The following FAT1 variants were observed in gnomAD, a reference collection of about 807,000 sequenced individuals.
The protein encoded by FAT1 is FAT atypical cadherin 1.
Under a neutral mutation model 329.8 loss-of-function variants are expected in FAT1, and 171 were observed. That is an observed-to-expected ratio of 0.52 (90% CI 0.46 to 0.59). The LOEUF (loss-of-function observed/expected upper bound fraction) is 0.59. Ranked by LOEUF, FAT1 falls within the 20% of genes least tolerant of loss-of-function variation. The probability of loss-of-function intolerance (pLI) is 0.00; values close to 1 mark genes in which losing one functional copy is unlikely to be tolerated. For missense variants in FAT1, 5,672 were observed against 5,774.4 expected (o/e 0.98, Z 0.57); for synonymous variants, 2,233 against 2,228.6 (o/e 1.00, Z -0.06).
intron 2 of FAT1, among the ~76,000 whole-genome samples, chr4:186,682,526 C>CAAAAAAAAAAAAAAAAAAAAAAAA (rs10561120): frequency 3.3e-4 from 39 of 119,718 alleles, no homozygotes; most frequent in African/African-American, 1.4e-3. Flanking sequence ...GACTCTGTCT[C>CAAAAAAAAAAAAAAAAAAAAAAAA]AAAAAAAAAA....
rs752749879 is a variant in FAT1, at chr4:186,617,071, G to C, written c.9009C>G (p.Phe3003Leu). Residue 3003 changes from phenylalanine to leucine, a missense_variant, in exon 11 of 27, where the codon TTC becomes TTG. Transcript: ENST00000441802. ...TCACTTCAACTATCGCTTTTGATGA[G>C]AAGGTGCCATCAGTTGCCGTGATAG... ...LLTITATDGTFSSKAIVEVKV... is the reference protein window; with the variant it reads ...LLTITATDGTLSSKAIVEVKV... The C allele has an allele frequency of 3.1e-6, 5 of 1,613,966 alleles. No individual in the cohort carries two copies. The South Asian group carries it at 5.5e-5, about 18-fold the overall frequency.
intron 22 of FAT1, chr4:186,598,718 G>A (rs1246384759): frequency 6.6e-6 from 1 of 151,950 alleles, no homozygotes; most frequent in Admixed American, 6.6e-5. Context: ...TAGAGATGGG[G>A]TTTCCCTGTA....
rs746364659 is a variant in FAT1, at chr4:186,621,547, A to T, written c.5039T>A (p.Val1680Asp). Residue 1680 changes from valine (V) to aspartate (D), a missense_variant, in exon 10 of 27, where the codon GTC becomes GAC. By Grantham distance (152) the Val-to-Asp change is radical. Coordinates refer to ENST00000441802, the MANE Select transcript of FAT1 (RefSeq NM_005245.4). The part of the protein sequence containing the change: ...KEYSVELSET[V>D]SIGSFVGMVT... ...CATCCCAACGAAACTCCCAATGCTG[A>T]CAGTTTCACTAAGTTCAACAGAATA... is the stretch of plus-strand genomic sequence containing the variant. 2 of 1,613,892 alleles carry T rather than the reference A, an allele frequency of 1.2e-6. No homozygotes were observed. The highest frequency in any genetic ancestry group is 1.7e-6 in the Non-Finnish European group (2 of 1,179,874).
chr4:186,649,329 A>T (rs1326775203), intron 3 of FAT1, among the ~76,000 whole-genome samples: 1 of 152,234 alleles, frequency 6.6e-6, no homozygotes, highest in Non-Finnish European at 1.5e-5. Flanking sequence ...ATTTCCATTG[A>T]ACAGCATATT....
chr4:186,646,800 G>A (rs557690362), intron 3 of FAT1, among the ~76,000 whole-genome samples: 24 of 151,648 alleles, frequency 1.6e-4, no homozygotes, highest in Non-Finnish European at 3.4e-4. Context: ...CCTGCTCCCC[G>A]TTCTCTGCTA....
chr4:186,598,142 G>A lies in FAT1; in HGVS notation c.12104-17C>T, dbSNP rs1207043237. 7.6e-6 allele frequency: 12 copies of A among 1,578,782 alleles called. No individual in the cohort carries two copies. In the Admixed American group the frequency reaches 9.8e-5, roughly 13 times the overall value. The stretch of plus-strand genomic sequence containing the variant: ...AGTAATAACCTAAATCGGCAAAAAG[G>A]AACAAAAAAGTCCTATCACTCAATG... On this transcript the variant is annotated splice_polypyrimidine_tract_variant and intron_variant, in intron 22 of 26. Coordinates refer to ENST00000441802, the MANE Select transcript of FAT1 (RefSeq NM_005245.4).
At chr4:186,646,508 T>A (rs1324791454) in intron 3 of FAT1, among the ~76,000 whole-genome samples, 3 of 152,220 alleles carry the variant, frequency 2.0e-5, no homozygotes, top group African/African-American at 7.2e-5. Flanking sequence ...AGAGCTAATG[T>A]CACCATAGAA....
At chr4:186,647,759 T>C (rs768115953) in intron 3 of FAT1, among the ~76,000 whole-genome samples, 1 of 152,198 alleles carries the variant, frequency 6.6e-6, no homozygotes, top group Non-Finnish European at 1.5e-5. Context: ...AGAACTGTAA[T>C]CATAGTATTT....
In FAT1 at chr4:186,693,194, A is replaced by G. The variant is rs542970129; in HGVS notation, c.3265+13369T>C. Among the ~76,000 whole-genome samples the G allele has an allele frequency of 3.9e-4, 59 of 152,338 alleles. 1 individual carries two copies. The highest frequency in any genetic ancestry group is 1.4e-3 in the African/African-American group (57 of 41,584). The stretch of plus-strand genomic sequence containing the variant: ...TAAGACAGAAAAGTTTTAAGACCAT[A>G]TTGATATTTTCACAATTTTCACAAG... On this transcript the variant is annotated intron_variant, in intron 2 of 26. Transcript: ENST00000441802.
intron 2 of FAT1, among the ~76,000 whole-genome samples, chr4:186,682,822 C>G (rs1313035206): frequency 6.6e-6 from 1 of 152,170 alleles, no homozygotes; most frequent in Non-Finnish European, 1.5e-5. Flanking sequence ...CCACTGAGGG[C>G]CCCAAGGGGG....
At chr4:186,723,931 G>A (rs778802302), upstream of FAT1, 1 of 150,940 alleles carries the variant, frequency 6.6e-6, no homozygotes, top group Non-Finnish European at 1.5e-5. Context: ...GCGGAAACTC[G>A]AGCCCACTTT....
Position 186,618,917 on chromosome 4 carries a change from C to A in FAT1, c.7669G>T (p.Glu2557Ter), listed in dbSNP as rs2126500355. The A allele has an allele frequency of 2.5e-6, 4 of 1,613,942 alleles. No individual in the cohort carries two copies. Among genetic ancestry groups the A allele is most frequent in the Non-Finnish European group, 3.4e-6 (4 of 1,179,892 alleles). ...GAGATCACTTTCTCCGCCGGGGTTTCTCGATCAAGTTTTTCCAAAGTAAAT... is the reference window on the plus strand; with the variant it reads ...GAGATCACTTTCTCCGCCGGGGTTTATCGATCAAGTTTTTCCAAAGTAAAT... ...QIFTLEKLDR[E>*]TPAEKVISVR... is the part of the protein sequence containing the mutation. Residue 2557 changes from glutamate (E) to a stop codon, truncating the protein, a stop_gained, in exon 10 of 27, where the codon GAA becomes TAA. Transcript: ENST00000441802. LOFTEE classifies it high-confidence loss of function.
At chr4:186,639,586 CT>C in intron 4 of FAT1, 135 bp downstream of exon 4, 3 of 607,102 alleles carry the variant, frequency 4.9e-6, no homozygotes, top group Non-Finnish European at 8.4e-6. Context: ...TTCCTTTTTC[CT>C]AACAACCAGT....
rs548280604 is a variant in FAT1 at position 186,668,979 on chromosome 4, A to C, written c.3266-5366T>G. Among the ~76,000 whole-genome samples the C allele has an allele frequency of 4.4e-4, 67 of 152,336 alleles. No homozygotes were observed. In the Middle Eastern group the frequency reaches 0.01, roughly 23 times the overall value. ...AGTACTTTTTTATATAGTGGGTTAT[A>C]AACTCACCCTGGAGACAAAAGGAAC... On this transcript the variant is annotated intron_variant, in intron 2 of 26. Coordinates refer to ENST00000441802, the MANE Select transcript of FAT1 (RefSeq NM_005245.4).
Position 186,589,177 on chromosome 4 carries a change from C to T in FAT1, c.13182G>A (p.Leu4394=), listed in dbSNP as rs376555475. The part of the protein sequence containing the change: ...DTSDWMPSVP[L]PDIQEFPNYE... ...AGTTGGGGAACTCTTGTATGTCCGGCAGAGGAACGCTTGGCATCCAATCTG... is the reference window on the plus strand; with the variant it reads ...AGTTGGGGAACTCTTGTATGTCCGGTAGAGGAACGCTTGGCATCCAATCTG... Residue 4394 remains leucine (L), a synonymous_variant, in exon 27 of 27, where the codon CTG becomes CTA. Transcript: ENST00000441802. 1 of 1,613,490 alleles carries T rather than the reference C, an allele frequency of 6.2e-7. No individual in the cohort carries two copies. The highest frequency in any genetic ancestry group is 8.5e-7 in the Non-Finnish European group (1 of 1,179,714).
At position 186,606,072 on chromosome 4, in the gene FAT1, G is replaced by T; in HGVS notation, c.10348C>A (p.Gln3450Lys). The T allele has an allele frequency of 1.2e-6, 2 of 1,612,796 alleles. No homozygotes were observed. ...FSRGNYSVII[Q>K]ENKPVGFSVL... ...CCACCTTGGCACTCGAAGCCCACCTGGATAATGACACTGTAGTTTCCCCTG... is the reference window on the plus strand; with the variant it reads ...CCACCTTGGCACTCGAAGCCCACCTTGATAATGACACTGTAGTTTCCCCTG... The change falls in exon 17 of 27, where the codon CAG becomes AAG. Residue 3450 changes from glutamine (Q) to lysine (K), a missense_variant and splice_region_variant. Gln to Lys is a moderately conservative substitution (Grantham distance 53). Around this residue, in one of 2 missense-constraint regions of FAT1, gnomAD observed 1,706 missense variants for 1,859.1 expected, o/e 0.92. Coordinates refer to ENST00000441802, the MANE Select transcript of FAT1 (RefSeq NM_005245.4).
rs748721704 is a variant in FAT1, at chr4:186,709,352, G to C, written c.476C>G (p.Pro159Arg). 1.1e-5 allele frequency: 17 copies of C among 1,613,952 alleles called. No homozygotes were observed. The highest frequency in any genetic ancestry group is 1.4e-5 in the Non-Finnish European group (16 of 1,179,890). ...FSPTSYSVSL[P>R]ENTAIRTSIA... ...ACTGGTCCTTATAGCTGTGTTTTCA[G>C]GTAAAGAAACGCTGTATGAGGTGGG... is the stretch of plus-strand genomic sequence containing the variant. The change falls in exon 2 of 27, where the codon CCT becomes CGT. Residue 159 changes from proline to arginine, a missense_variant. Coordinates refer to ENST00000441802, the MANE Select transcript of FAT1 (RefSeq NM_005245.4).
upstream of FAT1, among the ~76,000 whole-genome samples, chr4:186,725,258 C>A (rs1187538553): frequency 6.6e-6 from 1 of 152,106 alleles, no homozygotes; most frequent in Admixed American, 6.5e-5. This position sits in a 1 kb window ranked among gnomAD's most constrained non-coding sequence, Gnocchi z 5.4. Context: ...GTGCCGCTTG[C>A]CGAATTGTAA....
Position 186,680,110 on chromosome 4 carries a change from G to A in FAT1, c.3266-16497C>T, listed in dbSNP as rs552399171. Among the ~76,000 whole-genome samples, 10 of 152,220 alleles carry A rather than the reference G, an allele frequency of 6.6e-5. No individual in the cohort carries two copies. In the South Asian group the frequency reaches 1.2e-3, roughly 19 times the overall value. ...AACACGACTGCAAATTTAAAGCCTC[G>A]ATTAATTTAACCTAATACTGAAGAC... is the stretch of plus-strand genomic sequence containing the variant. On this transcript the variant is annotated intron_variant, in intron 2 of 26. Coordinates refer to ENST00000441802, the MANE Select transcript of FAT1 (RefSeq NM_005245.4).
Sources: allele counts gnomAD v4.1 joint callset (sites outside exome capture counted in the v4.1 genomes callset), GRCh38; gene constraint gnomAD v4.1.1; regional missense constraint gnomAD v4.1.1; non-coding constraint Gnocchi (gnomAD v3.1); transcripts MANE v1.5; gene names NCBI Gene and HGNC (gene_info 2026-07-23, HGNC 2026-07-21).